Variants in NMNAT2 observed in about 807,000 individuals in gnomAD.
The protein encoded by NMNAT2 is nicotinamide nucleotide adenylyltransferase 2.
A neutral mutation model predicts 41.6 loss-of-function variants in NMNAT2; 11 were observed. The ratio of observed to expected loss-of-function variants is 0.26; its 90% CI spans 0.17 to 0.44. The LOEUF (loss-of-function observed/expected upper bound fraction) is 0.44. Ranked by LOEUF, NMNAT2 falls within the 20% of genes least tolerant of loss-of-function variation. NMNAT2 has a pLI of 1.00. For missense variants in NMNAT2, 288 were observed against 407.7 expected, an observed-to-expected ratio of 0.71 and a Z score of 2.53; for synonymous variants, 148 against 151.2, an observed-to-expected ratio of 0.98 and a Z score of 0.16.
chr1:183,404,266 T>C (rs946630321), intron 1 of NMNAT2, among the ~76,000 whole-genome samples: 2 of 152,062 alleles, frequency 1.3e-5, no homozygotes, highest in Admixed American at 1.3e-4. Flanking sequence ...AATTTTTGTA[T>C]TTTAGTAGAG....
chr1:183,321,962 G>A (rs1662364802), intron 1 of NMNAT2, among the ~76,000 whole-genome samples: 1 of 151,900 alleles, frequency 6.6e-6, no homozygotes. Flanking sequence ...GGAGCCACAG[G>A]CATGTTCCAC....
intron 1 of NMNAT2, among the ~76,000 whole-genome samples, chr1:183,386,494 A>G (rs772550674): frequency 1.7e-4 from 26 of 152,314 alleles, no homozygotes; most frequent in Admixed American, 3.9e-4. Context: ...AACTGATAAA[A>G]AGCAAAAGCA....
intron 1 of NMNAT2, among the ~76,000 whole-genome samples, chr1:183,299,156 G>A (rs952390074): frequency 6.6e-6 from 1 of 152,270 alleles, no homozygotes; most frequent in African/African-American, 2.4e-5. Flanking sequence ...TGGATCACTT[G>A]AGGTCAGGAG....
chr1:183,411,386 C>T (rs2101932098), intron 1 of NMNAT2, among the ~76,000 whole-genome samples: 1 of 152,250 alleles, frequency 6.6e-6, no homozygotes, highest in South Asian at 2.1e-4. Context: ...GCGATCTTGG[C>T]TCACTGCAAC....
At chr1:183,260,873 A>G in intron 10 of NMNAT2, 129 bp downstream of exon 10, 1 of 764,628 alleles carries the variant, frequency 1.3e-6, no homozygotes, top group Non-Finnish European at 2.3e-6. Flanking sequence ...ATGAGGTCCA[A>G]ACAGGAAGCT....
chr1:183,257,431 A>C (rs1240932188), intron 10 of NMNAT2, among the ~76,000 whole-genome samples: 1 of 152,084 alleles, frequency 6.6e-6, no homozygotes, highest in Non-Finnish European at 1.5e-5. Context: ...ACAGAGTGAG[A>C]CTCTGTCTAA....
intron 8 of NMNAT2, among the ~76,000 whole-genome samples, chr1:183,273,784 TTTC>T (rs1661046173): frequency 6.6e-6 from 1 of 150,970 alleles, no homozygotes; most frequent in Non-Finnish European, 1.5e-5. Context: ...TCTTTCTTTC[TTTC>T]TTCCTCTCTC....
At chr1:183,346,711 G>A (rs1662936677) in intron 1 of NMNAT2, among the ~76,000 whole-genome samples, 1 of 151,944 alleles carries the variant, frequency 6.6e-6, no homozygotes. Context: ...GCCCTTTTTT[G>A]TCTGTGAAAC....
At chr1:183,331,691 A>G (rs659195) in intron 1 of NMNAT2, among the ~76,000 whole-genome samples, 8,934 of 152,262 alleles carry the variant, frequency 0.059, 898 homozygotes, top group African/African-American at 0.2. Flanking sequence ...GCTGCTGGTA[A>G]TGCAGGACCT....
At chr1:183,307,719 A>G (rs545875221) in intron 1 of NMNAT2, among the ~76,000 whole-genome samples, 3 of 152,300 alleles carry the variant, frequency 2.0e-5, no homozygotes, top group Admixed American at 2.0e-4. Context: ...CTGAGATTAC[A>G]GGCGTGAGTC....
chr1:183,344,420 C>A (rs1418919917), intron 1 of NMNAT2, among the ~76,000 whole-genome samples: 1 of 152,162 alleles, frequency 6.6e-6, no homozygotes, highest in African/African-American at 2.4e-5. Flanking sequence ...TTTGTATATA[C>A]CCCATGATAG....
intron 1 of NMNAT2, among the ~76,000 whole-genome samples, chr1:183,367,229 C>G (rs544374597): frequency 6.6e-6 from 1 of 152,058 alleles, no homozygotes; most frequent in African/African-American, 2.4e-5. Context: ...GAGGCTGAGG[C>G]GGGCAGATCA....
chr1:183,270,274 T>C (rs1385451020), intron 8 of NMNAT2, among the ~76,000 whole-genome samples: 1 of 152,194 alleles, frequency 6.6e-6, no homozygotes, highest in African/African-American at 2.4e-5. Context: ...CTTGGGAGGC[T>C]GGGGTACTCT....
At chr1:183,338,294 A>G (rs1164044103) in intron 1 of NMNAT2, among the ~76,000 whole-genome samples, 1 of 150,996 alleles carries the variant, frequency 6.6e-6, no homozygotes, top group Admixed American at 6.6e-5. Context: ...GCAAGACACT[A>G]GATTCTACTT....
chr1:183,365,005 A>G lies in NMNAT2; in HGVS notation c.85+53178T>C, dbSNP rs74129755. Among the ~76,000 whole-genome samples, 561 of 152,310 alleles carry G rather than the reference A, an allele frequency of 3.7e-3. 3 individuals carry two copies. The highest frequency in any genetic ancestry group is 0.013 in the African/African-American group (547 of 41,568). The stretch of plus-strand genomic sequence containing the variant: ...CCCATCCACCCAGTGCCCCATGAAC[A>G]GGAACCTCAACCTTCTCTAGGCCTC... On this transcript the variant is annotated intron_variant, in intron 1 of 10. Transcript: ENST00000287713.
At chr1:183,334,633 C>G (rs1297864799) in intron 1 of NMNAT2, among the ~76,000 whole-genome samples, 1 of 151,946 alleles carries the variant, frequency 6.6e-6, no homozygotes, top group Non-Finnish European at 1.5e-5. Flanking sequence ...CCTCAGCCTC[C>G]TGAGTAGTTG....
intron 1 of NMNAT2, among the ~76,000 whole-genome samples, chr1:183,366,064 A>G (rs1051148533): frequency 2.6e-5 from 4 of 152,244 alleles, no homozygotes; most frequent in Non-Finnish European, 4.4e-5. Context: ...ACCCTGGGGT[A>G]AACTACAACT....
chr1:183,352,282 G>A (rs1663076782), intron 1 of NMNAT2, among the ~76,000 whole-genome samples: 2 of 152,140 alleles, frequency 1.3e-5, no homozygotes, highest in Non-Finnish European at 2.9e-5. Flanking sequence ...ATGTGTGAGA[G>A]GCCGGGTGCA....
chr1:183,312,969 T>C (rs900442907), intron 1 of NMNAT2, among the ~76,000 whole-genome samples: 5 of 152,212 alleles, frequency 3.3e-5, no homozygotes, highest in Admixed American at 6.5e-5. Flanking sequence ...TATTCAAGGT[T>C]ATTATTCTCA....
Sources: gnomAD v4.1 joint callset for allele counts (sites outside exome capture counted in the v4.1 genomes callset) on GRCh38, gnomAD v4.1.1 for gene constraint, MANE v1.5 for transcripts, NCBI Gene and HGNC (gene_info 2026-07-23, HGNC 2026-07-21) for gene names.